ZNF169: variants seen among roughly 807,000 people sequenced by gnomAD.
ZNF169 encodes the protein zinc finger protein 169.
ZNF169 carries 11 observed loss-of-function variants against 12.0 expected under a neutral mutation model. That is an observed-to-expected ratio of 0.92 (90% CI 0.58 to 1.52). The LOEUF is 1.52. ZNF169 is among the 40% of genes most tolerant of loss of function. The pLI, the probability that ZNF169 is intolerant of heterozygous loss-of-function variation, is 0.00. For missense variants in ZNF169, 722 were observed against 744.0 expected, an observed-to-expected ratio of 0.97 and a Z score of 0.34; for synonymous variants, 302 against 286.5, an observed-to-expected ratio of 1.05 and a Z score of -0.55.
At chr9:94,259,849 G>C (rs945976252) in intron 1 of ZNF169, among the ~76,000 whole-genome samples, 2 of 152,110 alleles carry the variant, frequency 1.3e-5, no homozygotes, top group African/African-American at 4.8e-5. Flanking sequence ...GGAGGCACGC[G>C]GCTTGGGCAT....
chr9:94,293,205 G>A (rs1224880332), intron 4 of ZNF169, 136 bp downstream of exon 4: 5 of 770,642 alleles, frequency 6.5e-6, no homozygotes, highest in Non-Finnish European at 1.1e-5. Flanking sequence ...AGGCTGCATG[G>A]CACTGCCTGC....
chr9:94,277,253 A>T (rs946113948), intron 1 of ZNF169, among the ~76,000 whole-genome samples: 1 of 152,204 alleles, frequency 6.6e-6, no homozygotes, highest in Admixed American at 6.5e-5. Context: ...GTGGAGACCA[A>T]GTTTTATTGT....
intron 2 of ZNF169, chr9:94,287,879 C>T: frequency 1.0e-6 from 1 of 993,208 alleles, no homozygotes; most frequent in South Asian, 1.3e-5. Context: ...CGATCTGATA[C>T]TTGGCTGCTA....
chr9:94,290,818 G>T (rs1217414975), intron 2 of ZNF169, among the ~76,000 whole-genome samples: 1 of 151,936 alleles, frequency 6.6e-6, no homozygotes, highest in Non-Finnish European at 1.5e-5. Context: ...CTAATTATAT[G>T]TTTAATTTTT....
At chr9:94,264,239 C>T (rs1194246620) in intron 1 of ZNF169, among the ~76,000 whole-genome samples, 1 of 152,146 alleles carries the variant, frequency 6.6e-6, no homozygotes, top group Non-Finnish European at 1.5e-5. Flanking sequence ...CGGGTTCAAG[C>T]GCTTCTCCTG....
intron 4 of ZNF169, among the ~76,000 whole-genome samples, chr9:94,298,609 C>T (rs766381048): frequency 1.1e-4 from 17 of 151,768 alleles, no homozygotes; most frequent in Non-Finnish European, 1.6e-4. Context: ...TGGTGGTGCA[C>T]GCCTGTAATC....
At chr9:94,298,038 G>T (rs1830985771) in intron 4 of ZNF169, among the ~76,000 whole-genome samples, 3 of 151,930 alleles carry the variant, frequency 2.0e-5, no homozygotes, top group Non-Finnish European at 1.5e-5. Context: ...CGTAGTAGGT[G>T]CGCCTGTAAT....
chr9:94,268,782 T>A (rs1222131831), intron 1 of ZNF169, among the ~76,000 whole-genome samples: 2 of 96,882 alleles, frequency 2.1e-5, no homozygotes, highest in Admixed American at 1.2e-4. Flanking sequence ...TGAGACTCCA[T>A]TTCAAAAAAA....
intron 1 of ZNF169, among the ~76,000 whole-genome samples, chr9:94,265,508 A>T (rs1055426167): frequency 1.2e-4 from 18 of 151,514 alleles, no homozygotes; most frequent in African/African-American, 4.1e-4. Flanking sequence ...TGAGCCCGGG[A>T]GGTAGAGGTT....
At position 94,267,862 on chromosome 9, in the gene ZNF169, C is replaced by CTTTTTT. The variant is rs34734711; in HGVS notation, c.-56+8532_-56+8537dup. Among the ~76,000 whole-genome samples, 148 of 114,044 alleles carry CTTTTTT rather than the reference C, an allele frequency of 1.3e-3. 4 individuals carry two copies. The highest frequency in any genetic ancestry group is 1.5e-3 in the South Asian group (5 of 3,316). 74.8% of individuals were successfully genotyped at this position (114,044 alleles called of 152,430 possible). A position where few individuals can be genotyped will look rare whatever the true frequency, so the allele number is the denominator to read the frequency against. ...TTACAGCTGATTATAAAACTGCCTTCTTTTTTTTTTTTTTTTTTTTGAGAC... is the reference window on the plus strand; with the variant it reads ...TTACAGCTGATTATAAAACTGCCTTCTTTTTTTTTTTTTTTTTTTTTTTTTTGAGAC... On this transcript the variant is annotated intron_variant, in intron 1 of 4. Coordinates refer to ENST00000395395, the MANE Select transcript of ZNF169 (RefSeq NM_194320.4).
chr9:94,286,293 C>G (rs1330657771), intron 2 of ZNF169, among the ~76,000 whole-genome samples: 1 of 152,184 alleles, frequency 6.6e-6, no homozygotes, highest in African/African-American at 2.4e-5. Context: ...ACTTGTCTCT[C>G]AAACCATTTC....
At chr9:94,293,842 T>C (rs1295790899) in intron 4 of ZNF169, 1 of 152,324 alleles carries the variant, frequency 6.6e-6, no homozygotes, top group Non-Finnish European at 1.5e-5. Context: ...AACTGTACAA[T>C]GAGTAGGGTT....
intron 2 of ZNF169, among the ~76,000 whole-genome samples, chr9:94,290,063 T>A (rs1830800221): frequency 6.6e-6 from 1 of 152,184 alleles, no homozygotes; most frequent in Non-Finnish European, 1.5e-5. Flanking sequence ...TAGTTAAAAA[T>A]ATTTTTTCTA....
intron 2 of ZNF169, among the ~76,000 whole-genome samples, chr9:94,281,017 C>A (rs931756886): frequency 2.6e-5 from 4 of 152,168 alleles, no homozygotes; most frequent in Non-Finnish European, 5.9e-5. Flanking sequence ...GAGAGCTGAA[C>A]ATACTGACAT....
intron 2 of ZNF169, among the ~76,000 whole-genome samples, chr9:94,287,356 A>ATTGT (rs144633861): frequency 0.28 from 42,798 of 151,178 alleles, 6,975 homozygotes; most frequent in East Asian, 0.56. Context: ...ATACTGCAAA[A>ATTGT]TTGTTTGTTT....
chr9:94,301,437 G>C lies in ZNF169; in HGVS notation c.*67G>C. 1 of 1,459,172 alleles carries C rather than the reference G, an allele frequency of 6.9e-7. No homozygotes were observed. Among genetic ancestry groups the C allele is most frequent in the East Asian group, 2.5e-5 (1 of 40,696 alleles). 90.4% of individuals were successfully genotyped at this position (1,459,172 alleles called of 1,614,324 possible). On this transcript the variant is annotated 3_prime_UTR_variant, in exon 5 of 5. Transcript: ENST00000395395. Reference sequence around the variant, plus strand: ...AGTAAATGCTTCAGTTTCCTGAAATGGAATGGAAAAAAAAAAATGTTGCTT... The same window carrying C: ...AGTAAATGCTTCAGTTTCCTGAAATCGAATGGAAAAAAAAAAATGTTGCTT...
intron 2 of ZNF169, among the ~76,000 whole-genome samples, chr9:94,284,071 C>CAAAAA (rs35204508): frequency 7.9e-5 from 4 of 50,450 alleles, no homozygotes; most frequent in Non-Finnish European, 1.2e-4. Flanking sequence ...GACTCTGTCT[C>CAAAAA]AAAAAAAAAA....
At chr9:94,287,174 C>T (rs996575913) in intron 2 of ZNF169, among the ~76,000 whole-genome samples, 2 of 152,176 alleles carry the variant, frequency 1.3e-5, no homozygotes, top group African/African-American at 2.4e-5. Context: ...CATGTTCCCT[C>T]CAAGTCTACC....
intron 1 of ZNF169, among the ~76,000 whole-genome samples, chr9:94,275,791 T>G (rs1361615403): frequency 2.6e-5 from 4 of 151,370 alleles, no homozygotes; most frequent in African/African-American, 7.3e-5. Context: ...TATCTGTTTT[T>G]TTTTTTTTTT....
Sources: allele counts gnomAD v4.1 joint callset (sites outside exome capture counted in the v4.1 genomes callset), GRCh38; gene constraint gnomAD v4.1.1; transcripts MANE v1.5; gene names NCBI Gene and HGNC (gene_info 2026-07-23, HGNC 2026-07-21).